Variants in ALKBH1 observed in about 807,000 individuals in gnomAD.
The protein encoded by ALKBH1 is nucleic acid dioxygenase ALKBH1.
Under a neutral mutation model 36.6 loss-of-function variants are expected in ALKBH1, and 31 were observed. The observed-to-expected ratio is 0.85, with a 90% CI of 0.64 to 1.14. The LOEUF is 1.14. Among genes scored for constraint, ALKBH1 ranks in the 50% most tolerant of loss-of-function variants. The probability of loss-of-function intolerance (pLI) is 0.00; values close to 1 mark genes in which losing one functional copy is unlikely to be tolerated. For synonymous variants in ALKBH1, 183 were observed against 186.6 expected (o/e 0.98, Z 0.16); for missense variants, 490 against 497.3 (o/e 0.99, Z 0.14).
chr14:77,685,830 G>T (rs878871552), intron 3 of ALKBH1, among the ~76,000 whole-genome samples: 1 of 152,182 alleles, frequency 6.6e-6, no homozygotes, highest in Non-Finnish European at 1.5e-5. Context: ...GTCCAGGGAT[G>T]TAAAACAAGC....
At chr14:77,675,515 A>G (rs3783981) in intron 5 of ALKBH1, 141 bp downstream of exon 5, 276,018 of 592,194 alleles carry the variant, frequency 0.47, 65,799 homozygotes, top group African/African-American at 0.5. Flanking sequence ...ACTATAATTT[A>G]TTAAAATTCC....
chr14:77,682,971 A>G, intron 3 of ALKBH1, among the ~76,000 whole-genome samples: 1 of 152,156 alleles, frequency 6.6e-6, no homozygotes, highest in East Asian at 1.9e-4. Flanking sequence ...TGCTGGGATT[A>G]CAGGCGTGAA....
chr14:77,680,100 TA>T (rs1303614270), intron 3 of ALKBH1, 130 bp from the exon 4 acceptor site: 3 of 657,686 alleles, frequency 4.6e-6, no homozygotes, highest in Non-Finnish European at 8.3e-6. Flanking sequence ...TAGGAGAAAT[TA>T]GAAGAGATAA....
At chr14:77,676,518 T>C (rs1248315908) in intron 4 of ALKBH1, among the ~76,000 whole-genome samples, 2 of 152,076 alleles carry the variant, frequency 1.3e-5, no homozygotes, top group East Asian at 3.9e-4. Context: ...AAGGACTAAA[T>C]ATAATGTAGT....
At chr14:77,702,082 T>G (rs1310532655) in intron 2 of ALKBH1, among the ~76,000 whole-genome samples, 2 of 152,190 alleles carry the variant, frequency 1.3e-5, no homozygotes, top group Non-Finnish European at 2.9e-5. Flanking sequence ...GTGGATCACC[T>G]GAGGTCAGGA....
intron 3 of ALKBH1, 64 bp from the exon 4 acceptor site, chr14:77,680,034 G>T: frequency 1.6e-6 from 2 of 1,256,492 alleles, no homozygotes; most frequent in South Asian, 1.2e-5. Context: ...CCGTTTGTAT[G>T]GACTCTGGAG....
At chr14:77,694,164 G>A (rs1382848199) in intron 3 of ALKBH1, among the ~76,000 whole-genome samples, 2 of 152,182 alleles carry the variant, frequency 1.3e-5, no homozygotes, top group Non-Finnish European at 2.9e-5. Context: ...CAGAGACTAT[G>A]CACTACTGAG....
chr14:77,692,180 G>A (rs2080300818), intron 3 of ALKBH1, among the ~76,000 whole-genome samples: 1 of 152,200 alleles, frequency 6.6e-6, no homozygotes, highest in Non-Finnish European at 1.5e-5. Flanking sequence ...GTATTATCTT[G>A]TTTAATCCTC....
intron 1 of ALKBH1, among the ~76,000 whole-genome samples, chr14:77,706,383 T>C (rs982343066): frequency 1.1e-4 from 16 of 152,206 alleles, no homozygotes; most frequent in African/African-American, 3.6e-4. Context: ...TCAGAGGTGA[T>C]GTTAGTGGAC....
chr14:77,676,112 T>G lies in ALKBH1; in HGVS notation c.547-263A>C, dbSNP rs143778342. Among the ~76,000 whole-genome samples the G allele has an allele frequency of 1.6e-3, 247 of 151,750 alleles. 1 individual carries two copies. The highest frequency in any genetic ancestry group is 5.7e-3 in the African/African-American group (235 of 41,388). ...CCTGGGCTCAGTGATCCTCCTACCT[T>G]AGTCTCCCAAGTAGGTAGGACCACA... is the stretch of plus-strand genomic sequence containing the variant. On this transcript the variant is annotated intron_variant, in intron 4 of 5. Coordinates refer to ENST00000216489, the MANE Select transcript of ALKBH1 (RefSeq NM_006020.3).
At chr14:77,694,626 A>C in intron 3 of ALKBH1, 112 bp downstream of exon 3, 4 of 853,706 alleles carry the variant, frequency 4.7e-6, no homozygotes, top group Non-Finnish European at 6.5e-6. Context: ...CAATGAAGGG[A>C]AAAAAAAACC....
chr14:77,702,641 A>G (rs2139866168), intron 2 of ALKBH1, among the ~76,000 whole-genome samples: 1 of 152,244 alleles, frequency 6.6e-6, no homozygotes, highest in Middle Eastern at 3.4e-3. Flanking sequence ...ATTCTTCATT[A>G]TTTTCTTAAT....
intron 3 of ALKBH1, among the ~76,000 whole-genome samples, chr14:77,692,284 C>G (rs1459799305): frequency 6.6e-6 from 1 of 152,146 alleles, no homozygotes; most frequent in Non-Finnish European, 1.5e-5. Flanking sequence ...GAGCTGGGAT[C>G]TGAACACAGT....
intron 5 of ALKBH1, 57 bp downstream of exon 5, chr14:77,675,599 C>A: frequency 2.7e-6 from 4 of 1,480,242 alleles, no homozygotes; most frequent in Non-Finnish European, 3.7e-6. Context: ...AGTAAAATGT[C>A]TTAGAAAAAA....
At chr14:77,676,441 A>C (rs1395583235) in intron 4 of ALKBH1, among the ~76,000 whole-genome samples, 1 of 152,180 alleles carries the variant, frequency 6.6e-6, no homozygotes, top group Admixed American at 6.5e-5. Flanking sequence ...TCTGTAAATG[A>C]GACAGTTCTA....
rs1379505593 is a variant in ALKBH1, at chr14:77,679,985, G to T, written c.456-15C>A. Reference sequence around the variant, plus strand: ...CTTCTTTATACCTGCAAAGATTGGTGACAAAAGAGGAATTATTCATGTAAA... The same window carrying T: ...CTTCTTTATACCTGCAAAGATTGGTTACAAAAGAGGAATTATTCATGTAAA... On this transcript the variant is annotated splice_polypyrimidine_tract_variant and intron_variant, in intron 3 of 5. Transcript: ENST00000216489. The T allele has an allele frequency of 1.3e-6, 2 of 1,598,410 alleles. No individual in the cohort carries two copies. The highest frequency in any genetic ancestry group is 1.7e-6 in the Non-Finnish European group (2 of 1,165,750).
chr14:77,673,627 C>G lies in ALKBH1; in HGVS notation c.*185G>C. On this transcript the variant is annotated 3_prime_UTR_variant, in exon 6 of 6. Transcript: ENST00000216489. ...AACTAGGAACAGACCATGTCAAACA[C>G]TTCTCTGAGCAAAGTGGCTGAGTTT... 1 of 621,312 alleles carries G rather than the reference C, an allele frequency of 1.6e-6. No individual in the cohort carries two copies. Among genetic ancestry groups the G allele is most frequent in the Non-Finnish European group, 2.8e-6 (1 of 357,154 alleles). The allele number at this position is 621,312 out of a possible 1,614,324, so 38.5% of individuals were successfully genotyped here.
chr14:77,688,553 CTTTTTT>C (rs11395756), intron 3 of ALKBH1, among the ~76,000 whole-genome samples: 2 of 125,918 alleles, frequency 1.6e-5, no homozygotes. Flanking sequence ...TGCACCCAGC[CTTTTTT>C]TTTTTTTTTT....
rs548023922 is a variant in ALKBH1, at chr14:77,696,535, A to T, written c.293-1635T>A. 2.6e-5 allele frequency: 4 copies of T among 152,772 alleles called. No homozygotes were observed. In the East Asian group the frequency reaches 7.7e-4, roughly 29 times the overall value. The allele number at this position is 152,772 out of a possible 1,614,324, so 9.5% of individuals were successfully genotyped here. On this transcript the variant is annotated intron_variant, in intron 2 of 5. Transcript: ENST00000216489. The stretch of plus-strand genomic sequence containing the variant: ...CTGACCCTAGCCCTGGCCTTGCCCC[A>T]GCACCCCTGTCTCCCATGGGAGTGG...
Sources: allele counts gnomAD v4.1 joint callset (sites outside exome capture counted in the v4.1 genomes callset), GRCh38; gene constraint gnomAD v4.1.1; transcripts MANE v1.5; gene names NCBI Gene and HGNC (gene_info 2026-07-23, HGNC 2026-07-21).